The following TMEM178B variants were observed in gnomAD, a reference collection of about 807,000 sequenced individuals.
The protein encoded by TMEM178B is transmembrane protein 178B.
Under a neutral mutation model 31.0 loss-of-function variants are expected in TMEM178B, and 5 were observed. The ratio of observed to expected loss-of-function variants is 0.16; its 90% CI spans 0.08 to 0.34. The LOEUF (loss-of-function observed/expected upper bound fraction) is 0.34, where lower values mean the gene tolerates loss of function less well. Ranked by LOEUF, TMEM178B falls within the 10% of genes least tolerant of loss-of-function variation. The pLI is 1.00. For synonymous variants in TMEM178B, 164 were observed against 164.0 expected, an observed-to-expected ratio of 1.00 and a Z score of 0.00; for missense variants, 275 against 400.3, an observed-to-expected ratio of 0.69 and a Z score of 2.67.
intron 2 of TMEM178B, among the ~76,000 whole-genome samples, chr7:141,262,495 A>ATATATATATATATC (rs1798029879): frequency 6.8e-6 from 1 of 147,302 alleles, no homozygotes; most frequent in African/African-American, 2.5e-5. Flanking sequence ...ATATATATAT[A>ATATATATATATATC]TATATATATC....
In TMEM178B at chr7:141,132,737, A is replaced by T. The variant is rs540168870; in HGVS notation, c.382+58045A>T. Among the ~76,000 whole-genome samples, 612 of 152,214 alleles carry T rather than the reference A, an allele frequency of 4.0e-3. 7 individuals carry two copies. Among genetic ancestry groups the T allele is most frequent in the African/African-American group, 0.014 (592 of 41,542 alleles). Reference sequence around the variant, plus strand: ...CCTACACACCCAAGCCACCATTGCCACTGTAGGCACCCAAGCAAGCTGCCT... The same window carrying T: ...CCTACACACCCAAGCCACCATTGCCTCTGTAGGCACCCAAGCAAGCTGCCT... On this transcript the variant is annotated intron_variant, in intron 1 of 3. Coordinates refer to ENST00000565468, the MANE Select transcript of TMEM178B (RefSeq NM_001195278.2).
At chr7:141,354,608 C>T (rs1391803401) in intron 2 of TMEM178B, among the ~76,000 whole-genome samples, 1 of 152,214 alleles carries the variant, frequency 6.6e-6, no homozygotes, top group Non-Finnish European at 1.5e-5. Context: ...TATCCCCTTC[C>T]TACTTATTCA....
rs551778457 is a variant in TMEM178B, at chr7:141,220,016, C to T, written c.496+7312C>T. Among the ~76,000 whole-genome samples the T allele has an allele frequency of 8.5e-5, 13 of 152,182 alleles. No individual in the cohort carries two copies. In the South Asian group the frequency reaches 1.7e-3, roughly 19 times the overall value. On this transcript the variant is annotated intron_variant, in intron 2 of 3. Transcript: ENST00000565468. ...AAGGGAATTATAGGTAACGTAGAGA[C>T]GCTTTAAAATTATGAATGTTGGGCC... is the stretch of plus-strand genomic sequence containing the variant.
At chr7:141,384,030 CTGTT>C (rs1311861194) in intron 2 of TMEM178B, among the ~76,000 whole-genome samples, 1 of 152,196 alleles carries the variant, frequency 6.6e-6, no homozygotes, top group African/African-American at 2.4e-5. Context: ...TGAGAAGTGT[CTGTT>C]CATGTCCTTC....
intron 1 of TMEM178B, among the ~76,000 whole-genome samples, chr7:141,088,353 C>A (rs1243459341): frequency 6.6e-6 from 1 of 152,076 alleles, no homozygotes; most frequent in Non-Finnish European, 1.5e-5. Flanking sequence ...TCCTGAAAAA[C>A]CTCACTCCCT....
intron 2 of TMEM178B, among the ~76,000 whole-genome samples, chr7:141,226,552 TAC>T (rs1797344635): frequency 6.6e-6 from 1 of 152,064 alleles, no homozygotes; most frequent in South Asian, 2.1e-4. Flanking sequence ...AACAGAAACA[TAC>T]AGTTTTAAAA....
intron 2 of TMEM178B, among the ~76,000 whole-genome samples, chr7:141,331,487 G>A (rs187335702): frequency 1.3e-5 from 2 of 152,246 alleles, no homozygotes; most frequent in East Asian, 3.9e-4. Context: ...AAAGAGGACC[G>A]ATGAGCTTCC....
chr7:141,425,198 A>C (rs1385055859), intron 2 of TMEM178B, among the ~76,000 whole-genome samples: 1 of 152,192 alleles, frequency 6.6e-6, no homozygotes, highest in Non-Finnish European at 1.5e-5. Flanking sequence ...GGCTTTTCAA[A>C]TCCTTTGCCA....
At chr7:141,163,736 A>C (rs1796216018) in intron 1 of TMEM178B, among the ~76,000 whole-genome samples, 1 of 151,918 alleles carries the variant, frequency 6.6e-6, no homozygotes, top group Non-Finnish European at 1.5e-5. Flanking sequence ...CTGGCTTTGA[A>C]CTTCTGACCT....
chr7:141,403,451 C>G (rs759378720), intron 2 of TMEM178B, among the ~76,000 whole-genome samples: 2 of 152,170 alleles, frequency 1.3e-5, no homozygotes, highest in African/African-American at 2.4e-5. Context: ...TAAGAAGTGT[C>G]AGAGCTCCCA....
intron 2 of TMEM178B, among the ~76,000 whole-genome samples, chr7:141,401,761 A>G (rs1304289718): frequency 6.6e-6 from 1 of 152,144 alleles, no homozygotes; most frequent in Non-Finnish European, 1.5e-5. Flanking sequence ...GACCATACGC[A>G]TCTGCCTTGC....
chr7:141,102,311 T>C (rs996642733), intron 1 of TMEM178B, among the ~76,000 whole-genome samples: 1 of 152,204 alleles, frequency 6.6e-6, no homozygotes, highest in Admixed American at 6.5e-5. Context: ...CTTTCTCTTA[T>C]GAAGAAAGGT....
intron 1 of TMEM178B, among the ~76,000 whole-genome samples, chr7:141,200,362 G>A (rs544305148): frequency 6.6e-6 from 1 of 151,818 alleles, no homozygotes; most frequent in Non-Finnish European, 1.5e-5. Context: ...TTTTTCAGAG[G>A]TGGTTTTTCT....
At chr7:141,424,179 A>G (rs1029574683) in intron 2 of TMEM178B, among the ~76,000 whole-genome samples, 4 of 152,138 alleles carry the variant, frequency 2.6e-5, no homozygotes, top group African/African-American at 9.7e-5. Flanking sequence ...CCTTGCCACT[A>G]AAGTGTGAGA....
intron 1 of TMEM178B, among the ~76,000 whole-genome samples, chr7:141,187,622 A>G (rs956491417): frequency 1.3e-5 from 2 of 152,190 alleles, no homozygotes; most frequent in Non-Finnish European, 2.9e-5. Flanking sequence ...TAACTTTTTC[A>G]TGATCGCCAT....
chr7:141,191,941 A>G (rs886425984), intron 1 of TMEM178B, among the ~76,000 whole-genome samples: 3 of 152,148 alleles, frequency 2.0e-5, no homozygotes, highest in Non-Finnish European at 4.4e-5. Context: ...TTTTCTTCCA[A>G]TGCTTTGTGA....
At chr7:141,452,786 A>G (rs1801891053) in intron 3 of TMEM178B, among the ~76,000 whole-genome samples, 1 of 152,232 alleles carries the variant, frequency 6.6e-6, no homozygotes, top group African/African-American at 2.4e-5. Context: ...TCATTTCCCT[A>G]CTTTCCACTA....
At chr7:141,347,672 A>G (rs1291574242) in intron 2 of TMEM178B, among the ~76,000 whole-genome samples, 2 of 152,040 alleles carry the variant, frequency 1.3e-5, no homozygotes, top group Admixed American at 6.5e-5. Flanking sequence ...CCACACAAGC[A>G]CAAAGTGTGT....
At chr7:141,364,531 G>A (rs576642363) in intron 2 of TMEM178B, among the ~76,000 whole-genome samples, 5 of 152,016 alleles carry the variant, frequency 3.3e-5, no homozygotes, top group African/African-American at 1.2e-4. Flanking sequence ...ATGGTGGCAC[G>A]TGCCTGTAGT....
Sources: allele counts gnomAD v4.1 joint callset (sites outside exome capture counted in the v4.1 genomes callset), GRCh38; gene constraint gnomAD v4.1.1; transcripts MANE v1.5; gene names NCBI Gene and HGNC (gene_info 2026-07-23, HGNC 2026-07-21).